MGST1: variants seen among roughly 807,000 people sequenced by gnomAD.
The protein encoded by MGST1 is microsomal glutathione S-transferase 1.
In MGST1, 5 loss-of-function variants were observed where a neutral mutation model predicts 8.9. The observed-to-expected ratio is 0.56, with a 90% CI of 0.29 to 1.19. The LOEUF (loss-of-function observed/expected upper bound fraction) is 1.19, where lower values mean the gene tolerates loss of function less well. Among genes scored for constraint, MGST1 ranks in the 50% most tolerant of loss-of-function variants. The pLI is 0.08. For missense variants in MGST1, 182 were observed against 187.4 expected, an observed-to-expected ratio of 0.97 and a Z score of 0.17; for synonymous variants, 54 against 67.8, an observed-to-expected ratio of 0.80 and a Z score of 1.00.
At chr12:16,446,462 T>A (rs571039907) in intron 4 of MGST1, among the ~76,000 whole-genome samples, 1 of 151,940 alleles carries the variant, frequency 6.6e-6, no homozygotes, top group Non-Finnish European at 1.5e-5. Context: ...ATTCCTGCAT[T>A]TTTTTTGGTT....
intron 4 of MGST1, among the ~76,000 whole-genome samples, chr12:16,525,228 C>T (rs1389262100): frequency 6.6e-6 from 1 of 151,002 alleles, no homozygotes; most frequent in South Asian, 2.1e-4. Flanking sequence ...ATGTGCCATG[C>T]TGGTGCACTG....
chr12:16,527,115 A>T (rs1325973389), intron 4 of MGST1, among the ~76,000 whole-genome samples: 1 of 151,972 alleles, frequency 6.6e-6, no homozygotes, highest in Non-Finnish European at 1.5e-5. Context: ...CATCAATACA[A>T]ATACCCAGTT....
At chr12:16,564,374 G>A (rs1399021101) in intron 4 of MGST1, among the ~76,000 whole-genome samples, 1 of 152,216 alleles carries the variant, frequency 6.6e-6, no homozygotes, top group Non-Finnish European at 1.5e-5. Flanking sequence ...TTTACTAAAT[G>A]TTCAACAGCT....
intron 4 of MGST1, among the ~76,000 whole-genome samples, chr12:16,460,515 T>C (rs927826574): frequency 6.6e-6 from 1 of 152,072 alleles, no homozygotes; most frequent in Non-Finnish European, 1.5e-5. Flanking sequence ...GTCTCTGTTC[T>C]GACCAGGCAT....
intron 4 of MGST1, chr12:16,514,361 T>TCAATGG: frequency 3.2e-6 from 1 of 309,600 alleles, no homozygotes; most frequent in South Asian, 3.0e-5. Context: ...CGTTTGCTTC[T>TCAATGG]ACCATTCTGA....
At chr12:16,444,779 T>G (rs936675458) in intron 4 of MGST1, among the ~76,000 whole-genome samples, 1 of 151,880 alleles carries the variant, frequency 6.6e-6, no homozygotes, top group African/African-American at 2.4e-5. Context: ...TAATCCCAAT[T>G]TATCATGGAT....
chr12:16,365,361 TATTA>T (rs1337666997), downstream of MGST1, among the ~76,000 whole-genome samples: 1 of 151,970 alleles, frequency 6.6e-6, no homozygotes, highest in African/African-American at 2.4e-5. Flanking sequence ...ATCTAATTTA[TATTA>T]GTTTTTGATT....
At chr12:16,402,115 T>C (rs1178229516) in intron 1 of MGST1, 2 of 1,520,046 alleles carry the variant, frequency 1.3e-6, no homozygotes, top group Non-Finnish European at 1.8e-6. Flanking sequence ...AGCAGTCTGA[T>C]GGCAGGGGCT....
chr12:16,461,866 C>A (rs1193271354), intron 4 of MGST1, among the ~76,000 whole-genome samples: 2 of 152,090 alleles, frequency 1.3e-5, no homozygotes, highest in Non-Finnish European at 2.9e-5. Flanking sequence ...CATGTATTAT[C>A]CCCAACCACC....
chr12:16,504,661 G>A (rs935032242), intron 4 of MGST1, among the ~76,000 whole-genome samples: 2 of 152,134 alleles, frequency 1.3e-5, no homozygotes, highest in Admixed American at 6.5e-5. Flanking sequence ...TTTCCTAATA[G>A]GTAGGGAAAT....
intron 3 of MGST1, among the ~76,000 whole-genome samples, chr12:16,358,848 G>A (rs1301657279): frequency 3.0e-5 from 3 of 101,296 alleles, no homozygotes; most frequent in African/African-American, 1.2e-4. Context: ...GTACCACATT[G>A]TCTTTATCCA....
chr12:16,375,976 A>G, intron 3 of MGST1: 1 of 429,586 alleles, frequency 2.3e-6, no homozygotes, highest in East Asian at 3.8e-5. Context: ...CTATGAGCTC[A>G]TAAGATATAT....
intron 4 of MGST1, among the ~76,000 whole-genome samples, chr12:16,575,120 C>A (rs1460095513): frequency 6.6e-6 from 1 of 152,178 alleles, no homozygotes; most frequent in Non-Finnish European, 1.5e-5. Context: ...CTGGTACTGA[C>A]TTCCAAGTTA....
intron 4 of MGST1, among the ~76,000 whole-genome samples, chr12:16,504,594 G>C (rs891661303): frequency 2.0e-5 from 3 of 152,068 alleles, no homozygotes; most frequent in Non-Finnish European, 2.9e-5. Flanking sequence ...GTCTGATAAA[G>C]CTAATGGGGA....
chr12:16,474,211 T>C (rs922704565), intron 4 of MGST1, among the ~76,000 whole-genome samples: 1 of 152,222 alleles, frequency 6.6e-6, no homozygotes, highest in Non-Finnish European at 1.5e-5. Context: ...TTTTGTTTTG[T>C]ATTCCTATTT....
At chr12:16,360,114 A>C (rs1418593415) in intron 3 of MGST1, among the ~76,000 whole-genome samples, 1 of 152,200 alleles carries the variant, frequency 6.6e-6, no homozygotes, top group Non-Finnish European at 1.5e-5. Context: ...CCGCATACTG[A>C]GAGAAGAGCG....
chr12:16,564,323 C>T (rs1228827655), intron 4 of MGST1, among the ~76,000 whole-genome samples: 1 of 152,114 alleles, frequency 6.6e-6, no homozygotes, highest in Non-Finnish European at 1.5e-5. Context: ...TAAGACAAAA[C>T]AAGTTTAGAT....
chr12:16,374,675 G>A lies in MGST1; in HGVS notation c.222-1447G>A, dbSNP rs182122740. Among the ~76,000 whole-genome samples the A allele has an allele frequency of 5.6e-3, 859 of 152,126 alleles. 9 individuals are homozygous for A. Among genetic ancestry groups the A allele is most frequent in the South Asian group, 0.035 (171 of 4,822 alleles). On this transcript the variant is annotated intron_variant, in intron 3 of 3. Transcript: ENST00000535309. Reference sequence around the variant, plus strand: ...ATTTATTGAAGCACCATTTTTAATAGCAAGCGAATGCAAATAATTCAAATA... The same window carrying A: ...ATTTATTGAAGCACCATTTTTAATAACAAGCGAATGCAAATAATTCAAATA...
intron 4 of MGST1, among the ~76,000 whole-genome samples, chr12:16,569,507 G>T (rs1330424905): frequency 6.6e-6 from 1 of 152,110 alleles, no homozygotes; most frequent in African/African-American, 2.4e-5. Context: ...ATTTTCCAAA[G>T]CCTTACGAGC....
Sources: gnomAD v4.1 joint callset for allele counts (sites outside exome capture counted in the v4.1 genomes callset) on GRCh38, gnomAD v4.1.1 for gene constraint, MANE v1.5 for transcripts, NCBI Gene and HGNC (gene_info 2026-07-23, HGNC 2026-07-21) for gene names.